Variants in SPMAP2L observed in about 807,000 individuals in gnomAD.
SPMAP2L encodes the protein sperm microtubule associated protein 2-like.
the SPMAP2L span, among the ~76,000 whole-genome samples, chr4:56,588,039 TA>T: frequency 6.6e-6 from 1 of 152,366 alleles, no homozygotes; most frequent in Admixed American, 6.5e-5. Flanking sequence ...TATTGCATTG[TA>T]GTTTTGATTT....
At chr4:56,530,815 G>A in the SPMAP2L span, 1 of 1,535,356 alleles carries the variant, frequency 6.5e-7, no homozygotes, top group Non-Finnish European at 8.7e-7. Context: ...CAGAGAGCTT[G>A]AGGAGTCCGA....
the SPMAP2L span, among the ~76,000 whole-genome samples, chr4:56,574,341 CCCAGGAGTTTGAGGCTGCCATGAG>C: frequency 6.6e-6 from 1 of 152,166 alleles, no homozygotes; most frequent in East Asian, 1.9e-4. Context: ...ATTGCTTGAG[CCCAGGAGTTTGAGGCTGCCATGAG>C]CCATGATTGT....
the SPMAP2L span, among the ~76,000 whole-genome samples, chr4:56,573,583 C>T: frequency 3.3e-5 from 5 of 152,200 alleles, no homozygotes; most frequent in Admixed American, 2.6e-4. Context: ...AAGGTCTCCA[C>T]AGTGTGCCCC....
the SPMAP2L span, among the ~76,000 whole-genome samples, chr4:56,560,183 G>A: frequency 6.6e-6 from 1 of 152,002 alleles, no homozygotes; most frequent in South Asian, 2.1e-4. Flanking sequence ...TCAAGTTAGG[G>A]GCTCCAATTT....
chr4:56,560,765 A>G, the SPMAP2L span, among the ~76,000 whole-genome samples: 16 of 151,728 alleles, frequency 1.1e-4, no homozygotes, highest in Admixed American at 9.8e-4. Context: ...ATTTTTTTGG[A>G]GACAGAGTCT....
At chr4:56,619,726 T>C in the SPMAP2L span, among the ~76,000 whole-genome samples, 6 of 152,072 alleles carry the variant, frequency 3.9e-5, no homozygotes, top group African/African-American at 1.4e-4. Flanking sequence ...TAAGTGAAAC[T>C]ACAATGAACT....
the SPMAP2L span, among the ~76,000 whole-genome samples, chr4:56,568,534 G>T: frequency 1.3e-5 from 2 of 152,068 alleles, no homozygotes; most frequent in African/African-American, 4.8e-5. Context: ...CTCATTTAAG[G>T]TATATAATTT....
chr4:56,583,370 G>A, the SPMAP2L span, among the ~76,000 whole-genome samples: 1 of 152,082 alleles, frequency 6.6e-6, no homozygotes, highest in Non-Finnish European at 1.5e-5. Flanking sequence ...GTGGTTCCCA[G>A]GATTCTGAAA....
chr4:56,608,897 G>A, the SPMAP2L span, among the ~76,000 whole-genome samples: 1 of 152,124 alleles, frequency 6.6e-6, no homozygotes, highest in African/African-American at 2.4e-5. Context: ...AGTCAAAGAA[G>A]ATCATTCTCA....
At chr4:56,594,346 C>A in the SPMAP2L span, 1 of 1,528,380 alleles carries the variant, frequency 6.5e-7, no homozygotes, top group Non-Finnish European at 9.1e-7. Context: ...TGAAACTGAA[C>A]AGTTCGTCTG....
the SPMAP2L span, among the ~76,000 whole-genome samples, chr4:56,615,728 A>G: frequency 1.3e-5 from 2 of 151,668 alleles, no homozygotes; most frequent in South Asian, 4.2e-4. Flanking sequence ...AGACTAGGCT[A>G]GAAAGTGAGA....
chr4:56,610,735 T>G, the SPMAP2L span, among the ~76,000 whole-genome samples: 9 of 151,780 alleles, frequency 5.9e-5, no homozygotes, highest in East Asian at 1.4e-3. Flanking sequence ...GAATCTACAA[T>G]GAACTCAAAT....
At chr4:56,624,861 G>C in the SPMAP2L span, among the ~76,000 whole-genome samples, 3 of 152,314 alleles carry the variant, frequency 2.0e-5, no homozygotes, top group South Asian at 6.2e-4. Flanking sequence ...GAAATGTGGG[G>C]TCAGAGCCCC....
the SPMAP2L span, among the ~76,000 whole-genome samples, chr4:56,620,636 C>T: frequency 3.3e-5 from 5 of 152,282 alleles, no homozygotes; most frequent in South Asian, 2.1e-4. Flanking sequence ...CTGCCCGCCT[C>T]GGCCTCCCAA....
chr4:56,532,622 C>G, the SPMAP2L span, among the ~76,000 whole-genome samples: 1 of 152,140 alleles, frequency 6.6e-6, no homozygotes, highest in Non-Finnish European at 1.5e-5. Flanking sequence ...CAGAACTTGT[C>G]AAAAGAGTTG....
chr4:56,588,152 C>T, the SPMAP2L span, among the ~76,000 whole-genome samples: 8 of 152,094 alleles, frequency 5.3e-5, no homozygotes, highest in African/African-American at 2.4e-5. Context: ...CTTAGCCCAA[C>T]TTTTAATGGG....
At chr4:56,548,918 G>A in the SPMAP2L span, 3 of 798,666 alleles carry the variant, frequency 3.8e-6, no homozygotes, top group Non-Finnish European at 5.2e-6. Flanking sequence ...TCTACCTTGG[G>A]GTTTTCAAAA....
At chr4:56,585,280 A>G in the SPMAP2L span, among the ~76,000 whole-genome samples, 3 of 152,232 alleles carry the variant, frequency 2.0e-5, no homozygotes, top group Non-Finnish European at 4.4e-5. Context: ...TTAGAAGATA[A>G]GGCTTTCAAA....
At chr4:56,533,995 A>G in the SPMAP2L span, among the ~76,000 whole-genome samples, 5 of 151,904 alleles carry the variant, frequency 3.3e-5, no homozygotes, top group Non-Finnish European at 7.4e-5. Context: ...AAACAACAAC[A>G]ACGACAACAG....
Sources: gnomAD v4.1 joint callset for allele counts (sites outside exome capture counted in the v4.1 genomes callset) on GRCh38, gnomAD v4.1.1 for gene constraint, MANE v1.5 for transcripts, NCBI Gene and HGNC (gene_info 2026-07-23, HGNC 2026-07-21) for gene names.